AP1G2: variants seen among roughly 807,000 people sequenced by gnomAD.
The protein encoded by AP1G2 is adaptor related protein complex 1 subunit gamma 2.
AP1G2 carries 85 observed loss-of-function variants against 95.8 expected under a neutral mutation model. That is an observed-to-expected ratio of 0.89 (90% CI 0.74 to 1.06). The LOEUF (loss-of-function observed/expected upper bound fraction) is 1.06. Ranked by LOEUF, AP1G2 falls within the 50% of genes least tolerant of loss-of-function variation. The pLI is 0.00. For synonymous variants in AP1G2, 378 were observed against 400.0 expected (o/e 0.94, Z 0.66); for missense variants, 967 against 1,005.8 (o/e 0.96, Z 0.52).
In AP1G2 at chr14:23,561,556, C is replaced by T. The variant is rs766648711; in HGVS notation, c.1813G>A (p.Ala605Thr). ...ADEEAKESKE[A>T]AQLSEAAPVP... The stretch of plus-strand genomic sequence containing the variant: ...GGGGCTGCTTCTGAAAGCTGGGCTG[C>T]TTCTTTGCTTTCCTTTGCTTCCTCA... The change falls in exon 18 of 22, where the codon GCA becomes ACA. Residue 605 changes from alanine (A) to threonine (T), a missense_variant. Transcript: ENST00000397120. 1 of 1,614,086 alleles carries T rather than the reference C, an allele frequency of 6.2e-7. No homozygotes were observed. Among genetic ancestry groups the T allele is most frequent in the African/African-American group, 1.3e-5 (1 of 74,930 alleles).
At chr14:23,566,992 C>T in intron 2 of AP1G2, 119 bp downstream of exon 2, 1 of 1,133,426 alleles carries the variant, frequency 8.8e-7, no homozygotes, top group Admixed American at 2.8e-5. Context: ...GCAGTGCAGG[C>T]TGTGAAGACT....
chr14:23,566,543 A>T lies in AP1G2; in HGVS notation c.329+19T>A. 3.7e-6 allele frequency: 6 copies of T among 1,613,364 alleles called. No homozygotes were observed. The highest frequency in any genetic ancestry group is 5.1e-6 in the Non-Finnish European group (6 of 1,179,308). On this transcript the variant is annotated intron_variant, in intron 3 of 21. Coordinates refer to ENST00000397120, the MANE Select transcript of AP1G2 (RefSeq NM_003917.5). ...TCTCCCATCTCCCTGATTCCAAGTGATTGCCAGAACCCTCTCACTTCTTGA... is the reference window on the plus strand; with the variant it reads ...TCTCCCATCTCCCTGATTCCAAGTGTTTGCCAGAACCCTCTCACTTCTTGA...
intron 11 of AP1G2, 23 bp downstream of exon 11, chr14:23,564,023 C>T (rs777279920): frequency 1.2e-6 from 2 of 1,613,504 alleles, no homozygotes; most frequent in Admixed American, 3.3e-5. Context: ...CCCTGCCCTC[C>T]TGTCCCCTCT....
chr14:23,562,175 G>C lies in AP1G2; in HGVS notation c.1629-109C>G, dbSNP rs1885163138. 5.7e-6 allele frequency: 9 copies of C among 1,589,518 alleles called. No homozygotes were observed. In the South Asian group the frequency reaches 9.0e-5, roughly 16 times the overall value. The stretch of plus-strand genomic sequence containing the variant: ...ATACCCAGATTTGGCTCAAAAACAA[G>C]AACCTAAGGGCTAGGGGGTAGGGAG... On this transcript the variant is annotated intron_variant, in intron 16 of 21. Coordinates refer to ENST00000397120, the MANE Select transcript of AP1G2 (RefSeq NM_003917.5).
chr14:23,567,336 G>A lies in AP1G2; in HGVS notation c.-5-17C>T. 6.2e-7 allele frequency: 1 copy of A among 1,608,898 alleles called. No homozygotes were observed. Among genetic ancestry groups the A allele is most frequent in the Non-Finnish European group, 8.5e-7 (1 of 1,178,856 alleles). On this transcript the variant is annotated splice_polypyrimidine_tract_variant and intron_variant, in intron 1 of 21. Coordinates refer to ENST00000397120, the MANE Select transcript of AP1G2 (RefSeq NM_003917.5). This position sits in a 1 kb window ranked among gnomAD's most constrained non-coding sequence, Gnocchi z 5.3. ...CCATCCTGACTGGCAGAGTCCGGGA[G>A]TGGAGAAACACTCTCTGGTCGGGCG...
chr14:23,564,482 G>C (rs1459902297), intron 9 of AP1G2, 80 bp downstream of exon 9: 2 of 1,600,582 alleles, frequency 1.2e-6, no homozygotes, highest in Non-Finnish European at 8.6e-7. Flanking sequence ...ATGGGGCTAG[G>C]AGGGAGAAAC....
rs1319992134 is a variant in AP1G2 at position 23,559,606 on chromosome 14, G to C, written c.*143C>G. The stretch of plus-strand genomic sequence containing the variant: ...TCTCAGGCTTTATTGGGCTTTATTT[G>C]TGGGAGAAGGGGGCTGGTCCCCAGT... On this transcript the variant is annotated 3_prime_UTR_variant, in exon 22 of 22. Transcript: ENST00000397120. The C allele has an allele frequency of 4.4e-6, 3 of 681,772 alleles. No homozygotes were observed. The highest frequency in any genetic ancestry group is 7.7e-6 in the Non-Finnish European group (3 of 388,754). 42.2% of individuals were successfully genotyped at this position (681,772 alleles called of 1,614,324 possible). A position where few individuals can be genotyped will look rare whatever the true frequency, so the allele number is the denominator to read the frequency against.
In AP1G2 at chr14:23,563,444, G is replaced by C. The variant is rs572740402; in HGVS notation, c.1346C>G (p.Ala449Gly). ...CACAGAGTAGGCATGTAGCTCCTGG[G>C]CCCCCCCAATCAGCTGGGTCAGGTT... ...VANLTQLIGG[A>G]QELHAYSVRR... Residue 449 changes from alanine to glycine, a missense_variant, in exon 14 of 22, where the codon GCC becomes GGC. Transcript: ENST00000397120. 1.2e-5 allele frequency: 19 copies of C among 1,613,148 alleles called. No individual in the cohort carries two copies. Among genetic ancestry groups the C allele is most frequent in the Non-Finnish European group, 1.6e-5 (19 of 1,179,724 alleles).
rs1047327485 is a variant in AP1G2, at chr14:23,567,720, C to G, written c.-6+19G>C. On this transcript the variant is annotated intron_variant, in intron 1 of 21. Coordinates refer to ENST00000397120, the MANE Select transcript of AP1G2 (RefSeq NM_003917.5). The surrounding 1 kb of genome is among the most constrained non-coding windows in gnomAD (Gnocchi z 5.3). ...GCAGCGGCAGCGACAGCCTGCCTAC[C>G]CCAGGACTCCAGCCTCACCTGGCTT... 15 of 1,039,540 alleles carry G rather than the reference C, an allele frequency of 1.4e-5. No homozygotes were observed. The highest frequency in any genetic ancestry group is 1.7e-5 in the Non-Finnish European group (15 of 863,516). 64.4% of individuals were successfully genotyped at this position (1,039,540 alleles called of 1,614,324 possible).
Position 23,564,099 on chromosome 14 carries a change from C to A in AP1G2, c.1038G>T (p.Arg346=). The change falls in exon 11 of 22, where the codon CGG becomes CGT. Residue 346 remains arginine, a synonymous_variant. Transcript: ENST00000397120. ...GACATTCCACCACAGTGGGCCGATGCCGCTGCACAGCACTGTGATCAGACT... is the reference window on the plus strand; with the variant it reads ...GACATTCCACCACAGTGGGCCGATGACGCTGCACAGCACTGTGATCAGACT... ...LVQSDHSAVQ[R]HRPTVVECLR... is the part of the protein sequence containing the mutation. 1.9e-6 allele frequency: 3 copies of A among 1,614,188 alleles called. No homozygotes were observed. The highest frequency in any genetic ancestry group is 2.5e-6 in the Non-Finnish European group (3 of 1,180,030).
chr14:23,566,420 C>T lies in AP1G2; in HGVS notation c.330-1G>A. 6.2e-7 allele frequency: 1 copy of T among 1,613,344 alleles called. No homozygotes were observed. Among genetic ancestry groups the T allele is most frequent in the Non-Finnish European group, 8.5e-7 (1 of 1,179,502 alleles). On this transcript the variant is annotated splice_acceptor_variant, in intron 3 of 21. Transcript: ENST00000397120. LOFTEE classifies it high-confidence loss of function. The stretch of plus-strand genomic sequence containing the variant: ...TGGCTGAATCCCCTGGCTCAGGTCA[C>T]TGCAGGGTTTGGGAGGACGGTCAGT...
At chr14:23,564,440 A>C in intron 9 of AP1G2, 52 bp from the exon 10 acceptor site, 1 of 1,609,836 alleles carries the variant, frequency 6.2e-7, no homozygotes, top group Non-Finnish European at 8.5e-7. Flanking sequence ...CTGCTCAGCC[A>C]TTGAGGACTG....
In AP1G2 at chr14:23,566,647, CTG is replaced by C; in HGVS notation, c.242_243del (p.Thr81ArgfsTer15). ...CLKLIASSRF[T>X]DKRVGYLGAM... ...GCCCCCAGGTAGCCCACCCTCTTGT[CTG>C]TGAATCTGGAGGAGGCGATCAGTTT... On this transcript the variant is annotated frameshift_variant, in exon 3 of 22. Coordinates refer to ENST00000397120, the MANE Select transcript of AP1G2 (RefSeq NM_003917.5). LOFTEE classifies it high-confidence loss of function. 1.2e-6 allele frequency: 2 copies of C among 1,614,218 alleles called. No individual in the cohort carries two copies. Among genetic ancestry groups the C allele is most frequent in the South Asian group, 2.2e-5 (2 of 91,088 alleles).
chr14:23,560,199 A>T (rs2139047162), intron 20 of AP1G2, 56 bp downstream of exon 20: 1 of 1,588,934 alleles, frequency 6.3e-7, no homozygotes, highest in Non-Finnish European at 8.6e-7. Flanking sequence ...TCCTCCACTT[A>T]GTGGCCTTTT....
chr14:23,566,020 G>A, intron 5 of AP1G2, 44 bp downstream of exon 5: 1 of 1,613,992 alleles, frequency 6.2e-7, no homozygotes, highest in Non-Finnish European at 8.5e-7. Flanking sequence ...CAATTCTTCT[G>A]TCCATAGACC....
intron 7 of AP1G2, 162 bp from the exon 8 acceptor site, chr14:23,565,361 T>C: frequency 1.3e-6 from 1 of 777,652 alleles, no homozygotes; most frequent in East Asian, 2.7e-5. Context: ...GGAACAGAGG[T>C]GTGTGAGGCC....
At position 23,559,824 on chromosome 14, in the gene AP1G2, G is replaced by A. The variant is rs773980552; in HGVS notation, c.2283C>T (p.Leu761=). ...CCGACTGGTGAAAGTGGTCGTAGGT[G>A]AGGCGCAGCTTTAGCCGCAGGGGGG... ...NKAPLRLKLR[L]TYDHFHQSVQ... Residue 761 remains leucine, a synonymous_variant, in exon 22 of 22, where the codon CTC becomes CTT. Transcript: ENST00000397120. The A allele has an allele frequency of 5.0e-6, 8 of 1,614,158 alleles. No homozygotes were observed. The Admixed American group carries it at 1.2e-4, about 24-fold the overall frequency.
chr14:23,566,999 G>T, intron 2 of AP1G2, 112 bp downstream of exon 2: 2 of 1,185,812 alleles, frequency 1.7e-6, no homozygotes, highest in Non-Finnish European at 2.3e-6. Flanking sequence ...AGGCTGTGAA[G>T]ACTCTGAAAT....
Position 23,567,446 on chromosome 14 carries a change from T to C in AP1G2, c.-5-127A>G. ...AGGTACCCTAAAATTGCGCCCGCAT[T>C]TTACCTTTCCCGAAGTGGGTCTCCA... On this transcript the variant is annotated intron_variant, in intron 1 of 21. Coordinates refer to ENST00000397120, the MANE Select transcript of AP1G2 (RefSeq NM_003917.5). This position sits in a 1 kb window ranked among gnomAD's most constrained non-coding sequence, Gnocchi z 5.3. 7.1e-7 allele frequency: 1 copy of C among 1,411,696 alleles called. No homozygotes were observed. The highest frequency in any genetic ancestry group is 9.2e-7 in the Non-Finnish European group (1 of 1,090,164). 87.4% of individuals were successfully genotyped at this position (1,411,696 alleles called of 1,614,324 possible).
Sources: allele counts gnomAD v4.1 joint callset, GRCh38; gene constraint gnomAD v4.1.1; non-coding constraint Gnocchi (gnomAD v3.1); transcripts MANE v1.5; gene names NCBI Gene and HGNC (gene_info 2026-07-23, HGNC 2026-07-21).